Variants in NALF1 observed in about 807,000 individuals in gnomAD.
NALF1 encodes NALCN channel auxiliary factor 1.
A neutral mutation model predicts 48.4 loss-of-function variants in NALF1; 3 were observed. The observed-to-expected ratio is 0.06, with a 90% confidence interval of 0.03 to 0.16. The LOEUF (loss-of-function observed/expected upper bound fraction) is 0.16. Among genes scored for constraint, NALF1 ranks in the 10% least tolerant of loss-of-function variants. The pLI is 1.00. For synonymous variants in NALF1, 262 were observed against 245.7 expected (o/e 1.07, Z -0.62); for missense variants, 526 against 571.5 (o/e 0.92, Z 0.81).
intron 1 of NALF1, among the ~76,000 whole-genome samples, chr13:107,750,193 C>T (rs914467794): frequency 2.6e-5 from 4 of 152,186 alleles, no homozygotes; most frequent in East Asian, 1.9e-4. Context: ...GGCTGCCACA[C>T]TGGGACGTGC....
At chr13:107,439,090 T>G in intron 1 of NALF1, among the ~76,000 whole-genome samples, 1 of 152,024 alleles carries the variant, frequency 6.6e-6, no homozygotes, top group Non-Finnish European at 1.5e-5. Flanking sequence ...CAGATAGTTA[T>G]ACTTTTATAT....
chr13:107,447,173 GCCT>G (rs1417476164), intron 1 of NALF1, among the ~76,000 whole-genome samples: 1 of 151,902 alleles, frequency 6.6e-6, no homozygotes, highest in African/African-American at 2.4e-5. Flanking sequence ...CTTCTCCTTG[GCCT>G]CCTCCTCGTC....
chr13:107,679,141 T>C (rs991855941), intron 1 of NALF1, among the ~76,000 whole-genome samples: 1 of 152,238 alleles, frequency 6.6e-6, no homozygotes, highest in African/African-American at 2.4e-5. Flanking sequence ...CTCAGTTTCC[T>C]ATAGTTTAAA....
At chr13:107,244,668 C>G (rs1880543310) in intron 1 of NALF1, among the ~76,000 whole-genome samples, 1 of 152,144 alleles carries the variant, frequency 6.6e-6, no homozygotes, top group African/African-American at 2.4e-5. Context: ...ACAAATTCTT[C>G]ATCGATGAAA....
chr13:107,449,207 G>A (rs906021885), intron 1 of NALF1, among the ~76,000 whole-genome samples: 11 of 152,090 alleles, frequency 7.2e-5, no homozygotes, highest in African/African-American at 2.7e-4. Context: ...TCATGCTATT[G>A]CACTCCAGCC....
intron 1 of NALF1, among the ~76,000 whole-genome samples, chr13:107,580,275 C>T (rs565042561): frequency 7.2e-5 from 11 of 152,230 alleles, no homozygotes; most frequent in East Asian, 3.9e-4. Flanking sequence ...GGAAGGGGAA[C>T]GTCACACTCT....
intron 1 of NALF1, among the ~76,000 whole-genome samples, chr13:107,696,424 A>G (rs886122633): frequency 5.3e-5 from 8 of 152,278 alleles, no homozygotes; most frequent in Middle Eastern, 6.8e-3. Context: ...CACAAATGGG[A>G]AACTGTATAA....
At chr13:107,533,264 G>A (rs1384610399) in intron 1 of NALF1, among the ~76,000 whole-genome samples, 2 of 152,056 alleles carry the variant, frequency 1.3e-5, no homozygotes, top group African/African-American at 4.8e-5. Flanking sequence ...AATTACGTGA[G>A]TGTAGGTTCT....
chr13:107,283,648 ATTTATTTATTT>A (rs1190217303), intron 1 of NALF1, among the ~76,000 whole-genome samples: 1 of 148,226 alleles, frequency 6.7e-6, no homozygotes, highest in Admixed American at 6.8e-5. Flanking sequence ...TTATTTATTT[ATTTATTTATTT>A]ACTATTTTTG....
intron 1 of NALF1, among the ~76,000 whole-genome samples, chr13:107,536,345 T>C (rs1876810651): frequency 6.6e-6 from 1 of 152,134 alleles, no homozygotes; most frequent in Non-Finnish European, 1.5e-5. Context: ...AAAGGGCTAA[T>C]ATCCAAAATC....
intron 1 of NALF1, among the ~76,000 whole-genome samples, chr13:107,684,791 T>C (rs572087037): frequency 1.3e-5 from 2 of 152,214 alleles, no homozygotes; most frequent in African/African-American, 2.4e-5. Context: ...TTGACAAATA[T>C]CTTCAATTTG....
intron 1 of NALF1, among the ~76,000 whole-genome samples, chr13:107,261,070 T>C (rs567141515): frequency 6.6e-6 from 1 of 152,332 alleles, no homozygotes; most frequent in East Asian, 1.9e-4. Context: ...GAGTTTATTG[T>C]GCGAAGCCAC....
chr13:107,237,857 G>T (rs1199029450), intron 1 of NALF1, among the ~76,000 whole-genome samples: 1 of 152,142 alleles, frequency 6.6e-6, no homozygotes, highest in Non-Finnish European at 1.5e-5. Flanking sequence ...GGACACATTG[G>T]TTTATTAAAC....
At chr13:107,686,762 C>T (rs9520553) in intron 1 of NALF1, among the ~76,000 whole-genome samples, 53,355 of 151,878 alleles carry the variant, frequency 0.35, 9,554 homozygotes, top group East Asian at 0.42. Flanking sequence ...CATCTCATAC[C>T]AGTCAGAATG....
chr13:107,689,654 G>C (rs2138503091), intron 1 of NALF1, among the ~76,000 whole-genome samples: 1 of 152,184 alleles, frequency 6.6e-6, no homozygotes, highest in Middle Eastern at 3.4e-3. Context: ...ATATAATTGG[G>C]GGATTTTCAA....
intron 1 of NALF1, among the ~76,000 whole-genome samples, chr13:107,319,393 T>C (rs1475317356): frequency 6.6e-6 from 1 of 151,998 alleles, no homozygotes; most frequent in Non-Finnish European, 1.5e-5. Context: ...ACAATTGCAG[T>C]ATTTAATGGA....
chr13:107,383,704 G>A (rs1883478773), intron 1 of NALF1, among the ~76,000 whole-genome samples: 1 of 152,198 alleles, frequency 6.6e-6, no homozygotes, highest in African/African-American at 2.4e-5. Context: ...CCCATTCCTT[G>A]CACCAGAAGA....
chr13:107,348,522 C>G (rs979497986), intron 1 of NALF1, among the ~76,000 whole-genome samples: 1 of 151,986 alleles, frequency 6.6e-6, no homozygotes, highest in Middle Eastern at 3.2e-3. Flanking sequence ...GCTTGCTGCA[C>G]CTATCAACCT....
chr13:107,836,126 G>A (rs1309980763), intron 1 of NALF1, among the ~76,000 whole-genome samples: 1 of 152,128 alleles, frequency 6.6e-6, no homozygotes, highest in Non-Finnish European at 1.5e-5. Flanking sequence ...GAGTAGCTGA[G>A]ACTACAGGTG....
Sources: gnomAD v4.1 joint callset for allele counts (sites outside exome capture counted in the v4.1 genomes callset) on GRCh38, gnomAD v4.1.1 for gene constraint, MANE v1.5 for transcripts, NCBI Gene and HGNC (gene_info 2026-07-23, HGNC 2026-07-21) for gene names.